TECR: variants seen among roughly 807,000 people sequenced by gnomAD.
The protein encoded by TECR is very-long-chain enoyl-CoA reductase.
In TECR, 19 loss-of-function variants were observed where a neutral mutation model predicts 50.6. That is an observed-to-expected ratio of 0.38 (90% CI 0.26 to 0.55). TECR has a LOEUF of 0.55. Among genes scored for constraint, TECR ranks in the 20% least tolerant of loss-of-function variants. The pLI is 0.79. For missense variants in TECR, 313 were observed against 408.3 expected, an observed-to-expected ratio of 0.77 and a Z score of 2.01; for synonymous variants, 168 against 163.5, an observed-to-expected ratio of 1.03 and a Z score of -0.21.
At chr19:14,530,330 CAA>C (rs1367652563) in intron 1 of TECR, 2 of 155,206 alleles carry the variant, frequency 1.3e-5, no homozygotes, top group Admixed American at 6.3e-5. Flanking sequence ...TCTTGAAGCC[CAA>C]GTCTTCTGAC....
chr19:14,550,807 C>T (rs543771078), intron 1 of TECR, among the ~76,000 whole-genome samples: 2 of 151,940 alleles, frequency 1.3e-5, no homozygotes, highest in African/African-American at 2.4e-5. Context: ...CAGCCTCCCC[C>T]GTAGCTGGGA....
In TECR at chr19:14,564,879, C is replaced by T. The variant is rs752492012; in HGVS notation, c.562+21C>T. The stretch of plus-strand genomic sequence containing the variant: ...CCCTAGTAAGTGGCCTCAGACCATC[C>T]TTCCCTCCCCCACGGTCCCCACCCA... On this transcript the variant is annotated intron_variant, in intron 8 of 12. Coordinates refer to ENST00000215567, the MANE Select transcript of TECR (RefSeq NM_138501.6). 5 of 1,614,024 alleles carry T rather than the reference C, an allele frequency of 3.1e-6. No individual in the cohort carries two copies. In the South Asian group the frequency reaches 5.5e-5, roughly 18 times the overall value.
intron 1 of TECR, among the ~76,000 whole-genome samples, chr19:14,547,661 A>ATT (rs71166755): frequency 0.031 from 4,421 of 142,976 alleles, 121 homozygotes; most frequent in South Asian, 0.11. Context: ...TGTACCTAAT[A>ATT]TTTTTTTTTT....
chr19:14,551,118 C>CT (rs1345549960), intron 1 of TECR, among the ~76,000 whole-genome samples: 2 of 152,014 alleles, frequency 1.3e-5, no homozygotes, highest in East Asian at 3.9e-4. Context: ...GTCACCCAGG[C>CT]TGGAGTGCAG....
chr19:14,547,831 T>G (rs1163006153), intron 1 of TECR, among the ~76,000 whole-genome samples: 3 of 151,738 alleles, frequency 2.0e-5, no homozygotes, highest in East Asian at 3.9e-4. Context: ...CGGCTACTTT[T>G]GTTTTTTTTT....
chr19:14,561,246 T>C (rs1483282710), intron 1 of TECR, among the ~76,000 whole-genome samples: 1 of 152,214 alleles, frequency 6.6e-6, no homozygotes, highest in Admixed American at 6.5e-5. Context: ...CATTGTGTCC[T>C]GCTCCTTTTC....
upstream of TECR, chr19:14,529,397 C>G (rs1448850901): frequency 6.2e-5 from 35 of 569,028 alleles, no homozygotes; most frequent in Non-Finnish European, 1.1e-4. Context: ...ATGGTCAAGC[C>G]CCTTCTCTTT....
intron 1 of TECR, among the ~76,000 whole-genome samples, chr19:14,557,659 C>T (rs1415396163): frequency 6.7e-6 from 1 of 150,054 alleles, no homozygotes; most frequent in African/African-American, 2.5e-5. Flanking sequence ...GCCATGTTGT[C>T]CAGGCTGGTC....
intron 7 of TECR, 42 bp from the exon 8 acceptor site, chr19:14,564,744 C>T (rs1262799285): frequency 3.2e-6 from 5 of 1,578,154 alleles, no homozygotes; most frequent in Non-Finnish European, 4.4e-6. Flanking sequence ...CTGCCTTGTC[C>T]GGTGCTGGCC....
At chr19:14,549,120 A>T (rs2073401642) in intron 1 of TECR, among the ~76,000 whole-genome samples, 1 of 151,846 alleles carries the variant, frequency 6.6e-6, no homozygotes, top group South Asian at 2.1e-4. Context: ...CCGGCAGTAG[A>T]CCAGAGTTGC....
intron 1 of TECR, among the ~76,000 whole-genome samples, chr19:14,553,703 TG>T (rs2073618692): frequency 6.6e-6 from 1 of 151,782 alleles, no homozygotes; most frequent in East Asian, 1.9e-4. Flanking sequence ...GCATTTGTGA[TG>T]GGGGCGAGGT....
At chr19:14,529,734 C>T (rs1297835446) in intron 1 of TECR, 23 bp downstream of exon 1, 9 of 1,613,870 alleles carry the variant, frequency 5.6e-6, no homozygotes, top group South Asian at 4.4e-5. Context: ...AAACAGGGGC[C>T]GTGTGGCCAC....
At chr19:14,565,045 C>G (rs1338200498) in intron 9 of TECR, 21 bp from the exon 10 acceptor site, 4 of 1,613,748 alleles carry the variant, frequency 2.5e-6, no homozygotes, top group East Asian at 4.5e-5. Context: ...CGGCCCTAGG[C>G]TGATCCTGCT....
At chr19:14,537,018 G>T (rs942156181) in intron 1 of TECR, among the ~76,000 whole-genome samples, 1 of 147,230 alleles carries the variant, frequency 6.8e-6, no homozygotes, top group African/African-American at 2.5e-5. Flanking sequence ...AGGACGGGGA[G>T]GGGTGTCGAG....
intron 2 of TECR, among the ~76,000 whole-genome samples, 200 bp downstream of exon 2, chr19:14,562,775 C>T (rs2073941189): frequency 6.6e-6 from 1 of 152,042 alleles, no homozygotes; most frequent in Non-Finnish European, 1.5e-5. Context: ...TCTCAGTGGA[C>T]CCTGCGGGGA....
chr19:14,549,419 G>T (rs2073418027), intron 1 of TECR, among the ~76,000 whole-genome samples: 1 of 151,860 alleles, frequency 6.6e-6, no homozygotes, highest in Non-Finnish European at 1.5e-5. Context: ...CACCATATTG[G>T]CCAGGCTAGT....
At chr19:14,544,526 C>CT (rs1272199441) in intron 1 of TECR, among the ~76,000 whole-genome samples, 2 of 151,888 alleles carry the variant, frequency 1.3e-5, no homozygotes, top group African/African-American at 4.8e-5. Flanking sequence ...GCAGGTCTGG[C>CT]TTTGAGTGCG....
intron 1 of TECR, among the ~76,000 whole-genome samples, chr19:14,543,107 G>A (rs919786109): frequency 6.6e-6 from 1 of 150,652 alleles, no homozygotes; most frequent in Non-Finnish European, 1.5e-5. Context: ...GTTAACACAA[G>A]CCCTGGGGCT....
chr19:14,553,981 A>T lies in TECR; in HGVS notation c.16-8544A>T, dbSNP rs2073630452. ...GACTCGGGAGATGCTTCCTACCAGG[A>T]AGTGCAGTCCCCTGCGGGGTCCGAG... is the stretch of plus-strand genomic sequence containing the variant. On this transcript the variant is annotated intron_variant, in intron 1 of 12. Coordinates refer to ENST00000215567, the MANE Select transcript of TECR (RefSeq NM_138501.6). Among the ~76,000 whole-genome samples the T allele has an allele frequency of 1.3e-5, 2 of 152,148 alleles. 1 individual carries two copies. The highest frequency in any genetic ancestry group is 4.2e-4 in the South Asian group (2 of 4,798).
Sources: allele counts gnomAD v4.1 joint callset (sites outside exome capture counted in the v4.1 genomes callset), GRCh38; gene constraint gnomAD v4.1.1; transcripts MANE v1.5; gene names NCBI Gene and HGNC (gene_info 2026-07-23, HGNC 2026-07-21).